The following MYBPC3 variants were observed in gnomAD, a reference collection of about 807,000 sequenced individuals.
MYBPC3 encodes the protein myosin binding protein C3.
A neutral mutation model predicts 159.3 loss-of-function variants in MYBPC3; 108 were observed. The ratio of observed to expected loss-of-function variants is 0.68; its 90% CI spans 0.58 to 0.80. MYBPC3 has a LOEUF of 0.80. MYBPC3 is among the 30% of genes least tolerant of loss of function. The pLI is 0.00. For missense variants in MYBPC3, 1,631 were observed against 1,762.1 expected (o/e 0.93, Z 1.33); for synonymous variants, 730 against 702.0 (o/e 1.04, Z -0.63).
rs993015599 is a variant in MYBPC3, at chr11:47,332,851, C to T, written c.3453G>A (p.Ala1151=). The part of the protein sequence containing the change: ...SQNMVGFSDR[A]ATTKEPVFIP... ...TAAAGACGGGCTCCTTGGTGGTGGC[C>T]GCTCTGTCACTAAAGCCAACCATAT... The change falls in exon 31 of 35, where the codon GCG becomes GCA. Residue 1151 remains alanine, a synonymous_variant. Coordinates refer to ENST00000545968, the MANE Select transcript of MYBPC3 (RefSeq NM_000256.3). This position sits in a 1 kb window ranked among gnomAD's most constrained non-coding sequence, Gnocchi z 4.2. The T allele has an allele frequency of 6.8e-6, 11 of 1,606,800 alleles. No individual in the cohort carries two copies. The highest frequency in any genetic ancestry group is 2.7e-5 in the African/African-American group (2 of 74,796).
chr11:47,344,585 CA>C (rs1254636411), intron 12 of MYBPC3, among the ~76,000 whole-genome samples: 1 of 152,180 alleles, frequency 6.6e-6, no homozygotes, highest in Non-Finnish European at 1.5e-5. Flanking sequence ...CCTGAGTCCT[CA>C]AATACTCTGG....
intron 28 of MYBPC3, 41 bp from the exon 29 acceptor site, chr11:47,333,793 C>G: frequency 6.4e-7 from 1 of 1,561,450 alleles, no homozygotes; most frequent in Non-Finnish European, 8.7e-7. Flanking sequence ...TGGATCACTC[C>G]AAGGGCCGGC....
At chr11:47,339,618 T>C (rs1332872740) in intron 21 of MYBPC3, 33 bp downstream of exon 21, 1 of 1,540,112 alleles carries the variant, frequency 6.5e-7, no homozygotes, top group African/African-American at 1.4e-5. Flanking sequence ...ACCCATCTTA[T>C]AGATGGGGAG....
In MYBPC3 at chr11:47,346,368, TCCCTGTGTCC is replaced by T. The variant is rs1185423991; in HGVS notation, c.927-8_928del. ...CTCTGCTGGTGCCTCCAGCTTCGAGTCCCTGTGTCCCGCAGTCTAGGCTGTGGCCGGGGGC... is the reference window on the plus strand; with the variant it reads ...CTCTGCTGGTGCCTCCAGCTTCGAGTCGCAGTCTAGGCTGTGGCCGGGGGC... On this transcript the variant is annotated splice_acceptor_variant and splice_polypyrimidine_tract_variant and coding_sequence_variant and intron_variant, in exon 12 of 35. Transcript: ENST00000545968. LOFTEE classifies it high-confidence loss of function. The surrounding 1 kb of genome is among the most constrained non-coding windows in gnomAD (Gnocchi z 5.3). 1 of 1,579,428 alleles carries T rather than the reference TCCCTGTGTCC, an allele frequency of 6.3e-7. No homozygotes were observed. Among genetic ancestry groups the T allele is most frequent in the Middle Eastern group, 1.7e-4 (1 of 5,910 alleles).
At chr11:47,352,257 C>T (rs2095901659) in intron 1 of MYBPC3, among the ~76,000 whole-genome samples, 1 of 152,136 alleles carries the variant, frequency 6.6e-6, no homozygotes, top group African/African-American at 2.4e-5. Flanking sequence ...ATGCCGTGAG[C>T]CTGGCTCAGC....
chr11:47,343,336 AG>A, intron 13 of MYBPC3, 74 bp from the exon 14 acceptor site: 1 of 1,498,390 alleles, frequency 6.7e-7, no homozygotes, highest in Non-Finnish European at 8.9e-7. Context: ...AGAGAGAGAG[AG>A]GGACCGGCAG....
chr11:47,347,238 T>G, intron 9 of MYBPC3, 188 bp downstream of exon 9: 4 of 985,388 alleles, frequency 4.1e-6, no homozygotes, highest in Non-Finnish European at 4.8e-6. Flanking sequence ...AGGATGACTG[T>G]TGACGGGACA....
At position 47,351,178 on chromosome 11, in the gene MYBPC3, G is replaced by A. The variant is rs372183011; in HGVS notation, c.292+61C>T. 8.3e-6 allele frequency: 12 copies of A among 1,450,472 alleles called. No individual in the cohort carries two copies. In the African/African-American group the frequency reaches 1.1e-4, roughly 14 times the overall value. 89.9% of individuals were successfully genotyped at this position (1,450,472 alleles called of 1,614,324 possible). On this transcript the variant is annotated intron_variant, in intron 2 of 34. Coordinates refer to ENST00000545968, the MANE Select transcript of MYBPC3 (RefSeq NM_000256.3). The surrounding 1 kb of genome is among the most constrained non-coding windows in gnomAD (Gnocchi z 4.2). ...CTCCTGTTCCCTGGATGGATGGAGA[G>A]TCGCTGGGCTGCCCCTCCCCCAGCA...
rs397516062 is a variant in MYBPC3, at chr11:47,349,792, G to C, written c.636C>G (p.Ser212Arg). The C allele has an allele frequency of 6.2e-7, 1 of 1,607,740 alleles. No homozygotes were observed. Among genetic ancestry groups the C allele is most frequent in the Non-Finnish European group, 8.5e-7 (1 of 1,179,692 alleles). The change falls in exon 5 of 35, where the codon AGC becomes AGG. Residue 212 changes from serine (S) to arginine (R), a missense_variant. Ser to Arg is a moderately radical substitution (Grantham distance 110). Coordinates refer to ENST00000545968, the MANE Select transcript of MYBPC3 (RefSeq NM_000256.3). ...KVGQHLQLHD[S>R]YDRASKVYLF... is the part of the protein sequence containing the mutation. ...GACCCACCTTGCTGGCGCGGTCGTA[G>C]CTGTCGTGCAGCTGCAGGTGCTGGC...
At position 47,349,780 on chromosome 11, in the gene MYBPC3, G is replaced by T; in HGVS notation, c.648C>A (p.Ala216=). Residue 216 remains alanine (A), a synonymous_variant, in exon 5 of 35, where the codon GCC becomes GCA. Transcript: ENST00000545968. ...ACGACCCCGGTGGACCCACCTTGCTGGCGCGGTCGTAGCTGTCGTGCAGCT... is the reference window on the plus strand; with the variant it reads ...ACGACCCCGGTGGACCCACCTTGCTTGCGCGGTCGTAGCTGTCGTGCAGCT... The part of the protein sequence containing the change: ...HLQLHDSYDR[A]SKVYLFELHI... 6.2e-7 allele frequency: 1 copy of T among 1,605,084 alleles called. No individual in the cohort carries two copies. The highest frequency in any genetic ancestry group is 8.5e-7 in the Non-Finnish European group (1 of 1,179,628).
chr11:47,337,729 A>G lies in MYBPC3; in HGVS notation c.2374T>C (p.Trp792Arg), dbSNP rs187830361. The change falls in exon 24 of 35, where the codon TGG becomes CGG. Residue 792 changes from tryptophan to arginine, a missense_variant. Transcript: ENST00000545968. The part of the protein sequence containing the change: ...NVGEDSCTVQ[W>R]EPPAYDGGQP... ...CCGCCATCGTAGGCAGGCGGCTCCC[A>G]CTGTACTGTGCAGGAGTCCTCTCCC... 7 of 1,563,840 alleles carry G rather than the reference A, an allele frequency of 4.5e-6. No homozygotes were observed. The highest frequency in any genetic ancestry group is 5.2e-6 in the Non-Finnish European group (6 of 1,154,296).
chr11:47,335,770 T>C, intron 26 of MYBPC3, 107 bp downstream of exon 26: 1 of 1,053,522 alleles, frequency 9.5e-7, no homozygotes, highest in East Asian at 3.1e-5. Context: ...TGTCCTCAAC[T>C]TTCGGCAAAA....
chr11:47,343,698 T>C, intron 12 of MYBPC3, 74 bp from the exon 13 acceptor site: 2 of 1,467,550 alleles, frequency 1.4e-6, no homozygotes, highest in South Asian at 1.4e-5. Context: ...ACTGTGGCTG[T>C]GGCTGGGGCC....
rs374255707 is a variant in MYBPC3 at position 47,342,914 on chromosome 11, C to T, written c.1373G>A (p.Arg458His). 4.3e-5 allele frequency: 70 copies of T among 1,611,840 alleles called. No individual in the cohort carries two copies. Among genetic ancestry groups the T allele is most frequent in the Admixed American group, 6.7e-5 (4 of 59,744 alleles). The change falls in exon 16 of 35, where the codon CGC becomes CAC. Residue 458 changes from arginine (R) to histidine (H), a missense_variant. Arg to His is a conservative substitution (Grantham distance 29). Coordinates refer to ENST00000545968, the MANE Select transcript of MYBPC3 (RefSeq NM_000256.3). ...FVKEPPVLITRPLEDQLVMVG... is the reference protein window; with the variant it reads ...FVKEPPVLITHPLEDQLVMVG... ...CATCACCAGCTGGTCCTCCAAGGGG[C>T]GCGTGATGAGCACAGGGGGCTCTGT... is the stretch of plus-strand genomic sequence containing the variant.
chr11:47,347,104 A>G, intron 9 of MYBPC3, 75 bp from the exon 10 acceptor site: 2 of 1,066,072 alleles, frequency 1.9e-6, no homozygotes, highest in Non-Finnish European at 2.8e-6. Flanking sequence ...AACATAAGTC[A>G]GTTGGGCCGA....
At chr11:47,334,933 C>A (rs2095880743) in intron 27 of MYBPC3, 109 bp downstream of exon 27, 2 of 1,236,886 alleles carry the variant, frequency 1.6e-6, no homozygotes, top group Non-Finnish European at 2.1e-6. Context: ...CTCTGCCCAG[C>A]GTTCTGGGCA....
chr11:47,344,223 G>A (rs1177626746), intron 12 of MYBPC3, among the ~76,000 whole-genome samples: 1 of 152,214 alleles, frequency 6.6e-6, no homozygotes. Context: ...AGCTTGTCAG[G>A]AGAACTGGGG....
In MYBPC3 at chr11:47,336,979, A is replaced by G. The variant is rs11570099; in HGVS notation, c.2602+412T>C. On this transcript the variant is annotated intron_variant, in intron 25 of 34. Coordinates refer to ENST00000545968, the MANE Select transcript of MYBPC3 (RefSeq NM_000256.3). ...CCCTTGCCCCATCCCATAGGTGAAA[A>G]CCCTGGGTTGAAGGGTGTGGAGAAC... is the stretch of plus-strand genomic sequence containing the variant. Among the ~76,000 whole-genome samples, 204 of 152,170 alleles carry G rather than the reference A, an allele frequency of 1.3e-3. No homozygotes were observed. The Middle Eastern group carries it at 0.02, about 15-fold the overall frequency.
chr11:47,351,182 C>CGGGGGGG lies in MYBPC3; in HGVS notation c.292+56_292+57insCCCCCCC. On this transcript the variant is annotated intron_variant, in intron 2 of 34. Coordinates refer to ENST00000545968, the MANE Select transcript of MYBPC3 (RefSeq NM_000256.3). The surrounding 1 kb of genome is among the most constrained non-coding windows in gnomAD (Gnocchi z 4.2). Reference sequence around the variant, plus strand: ...TGTTCCCTGGATGGATGGAGAGTCGCTGGGCTGCCCCTCCCCCAGCAGCCC... The same window carrying CGGGGGGG: ...TGTTCCCTGGATGGATGGAGAGTCGCGGGGGGGTGGGCTGCCCCTCCCCCAGCAGCCC... 6.9e-7 allele frequency: 1 copy of CGGGGGGG among 1,451,582 alleles called. No homozygotes were observed. Among genetic ancestry groups the CGGGGGGG allele is most frequent in the Non-Finnish European group, 9.2e-7 (1 of 1,091,550 alleles). 89.9% of individuals were successfully genotyped at this position (1,451,582 alleles called of 1,614,324 possible). A position where few individuals can be genotyped will look rare whatever the true frequency, so the allele number is the denominator to read the frequency against.
Sources: allele counts gnomAD v4.1 joint callset (sites outside exome capture counted in the v4.1 genomes callset), GRCh38; gene constraint gnomAD v4.1.1; non-coding constraint Gnocchi (gnomAD v3.1); transcripts MANE v1.5; gene names NCBI Gene and HGNC (gene_info 2026-07-23, HGNC 2026-07-21).